The following CCDC63 variants were observed in gnomAD, a reference collection of about 807,000 sequenced individuals.
CCDC63 encodes the protein coiled-coil domain containing 63.
A neutral mutation model predicts 63.6 loss-of-function variants in CCDC63; 54 were observed. That is an observed-to-expected ratio of 0.85 (90% CI 0.68 to 1.07). The LOEUF is 1.07. Ranked by LOEUF, CCDC63 falls within the 50% of genes least tolerant of loss-of-function variation. The pLI is 0.00. For synonymous variants in CCDC63, 253 were observed against 266.1 expected (o/e 0.95, Z 0.48); for missense variants, 637 against 689.6 (o/e 0.92, Z 0.86).
chr12:110,860,204 C>T (rs2070835360), intron 4 of CCDC63, among the ~76,000 whole-genome samples: 1 of 152,226 alleles, frequency 6.6e-6, no homozygotes, highest in South Asian at 2.1e-4. Flanking sequence ...CAATGGCTCC[C>T]CTTTCTTCCA....
At position 110,889,417 on chromosome 12, in the gene CCDC63, C is replaced by T. The variant is rs1325303967; in HGVS notation, c.1075-3659C>T. On this transcript the variant is annotated intron_variant, in intron 8 of 11. Transcript: ENST00000308208. The surrounding 1 kb of genome is among the most constrained non-coding windows in gnomAD (Gnocchi z 4.1). ...CACAGCGTAAGACGGGTTTTGGAGCCGGTTGGGGCCCCGGGCAGTTGAGAA... is the reference window on the plus strand; with the variant it reads ...CACAGCGTAAGACGGGTTTTGGAGCTGGTTGGGGCCCCGGGCAGTTGAGAA... 6.6e-6 allele frequency among the ~76,000 whole-genome samples: 1 copy of T among 152,086 alleles called. No homozygotes were observed. The highest frequency in any genetic ancestry group is 1.5e-5 in the Non-Finnish European group (1 of 68,002).
At chr12:110,894,457 C>T (rs952069067) in intron 9 of CCDC63, among the ~76,000 whole-genome samples, 1 of 152,210 alleles carries the variant, frequency 6.6e-6, no homozygotes, top group African/African-American at 2.4e-5. Context: ...AGTCATTTCC[C>T]TTCCCTTCTT....
At chr12:110,871,334 G>A (rs1227137702) in intron 4 of CCDC63, among the ~76,000 whole-genome samples, 1 of 151,954 alleles carries the variant, frequency 6.6e-6, no homozygotes, top group Non-Finnish European at 1.5e-5. Flanking sequence ...GTAGAGACAG[G>A]GTTTCACCGT....
intron 4 of CCDC63, among the ~76,000 whole-genome samples, chr12:110,863,470 G>T (rs946976652): frequency 2.0e-5 from 3 of 152,098 alleles, no homozygotes; most frequent in Admixed American, 1.3e-4. Context: ...TAATTGAGAG[G>T]GTAGAGGTTT....
chr12:110,866,309 C>CTTTTTTT (rs67350855), intron 4 of CCDC63, among the ~76,000 whole-genome samples: 20,466 of 135,758 alleles, frequency 0.15, 1,595 homozygotes, highest in Middle Eastern at 0.18. Flanking sequence ...TTAAGCCACT[C>CTTTTTTT]TTTTTTTTTT....
intron 4 of CCDC63, among the ~76,000 whole-genome samples, chr12:110,871,266 CA>C (rs1466943354): frequency 1.3e-5 from 2 of 152,208 alleles, no homozygotes; most frequent in East Asian, 3.9e-4. Flanking sequence ...CTCAGCCTCC[CA>C]AGTAGCTGGG....
chr12:110,856,844 C>CTTTTT (rs34855503), intron 3 of CCDC63, among the ~76,000 whole-genome samples: 45 of 115,498 alleles, frequency 3.9e-4, no homozygotes, highest in African/African-American at 5.4e-4. Flanking sequence ...CCTTTCCTTT[C>CTTTTT]TTTTTTTTTT....
At chr12:110,867,824 G>A (rs1389683944) in intron 4 of CCDC63, among the ~76,000 whole-genome samples, 12 of 151,620 alleles carry the variant, frequency 7.9e-5, no homozygotes, top group East Asian at 2.0e-4. Context: ...CAGTAGGGGC[G>A]GCCGGGCAGA....
At chr12:110,871,396 C>G (rs2071064179) in intron 4 of CCDC63, among the ~76,000 whole-genome samples, 1 of 152,194 alleles carries the variant, frequency 6.6e-6, no homozygotes, top group South Asian at 2.1e-4. Context: ...CTGCCTCGGA[C>G]TCCCAAAGTG....
At chr12:110,873,160 TG>T (rs1392492056) in intron 4 of CCDC63, among the ~76,000 whole-genome samples, 6 of 152,142 alleles carry the variant, frequency 3.9e-5, no homozygotes, top group African/African-American at 1.4e-4. Flanking sequence ...CGCTTGAACC[TG>T]GAAGGAGGAG....
chr12:110,867,339 C>T (rs2070975785), intron 4 of CCDC63, among the ~76,000 whole-genome samples: 1 of 112,680 alleles, frequency 8.9e-6, no homozygotes, highest in African/African-American at 3.6e-5. Context: ...GGGCGGCTGG[C>T]CGGGTGGAGG....
chr12:110,858,698 C>G lies in CCDC63; in HGVS notation c.292C>G (p.Leu98Val), dbSNP rs376677990. The change falls in exon 4 of 12, where the codon CTC becomes GTC. Residue 98 changes from leucine to valine, a missense_variant. Transcript: ENST00000308208. ...TGAGAAGAACTACATGGAGCTGCGA[C>G]TCCTGCTCCAAACTAAGGAGGACTA... ...RSEKNYMELR[L>V]LLQTKEDYEA... 1 of 1,613,974 alleles carries G rather than the reference C, an allele frequency of 6.2e-7. No individual in the cohort carries two copies. Among genetic ancestry groups the G allele is most frequent in the Non-Finnish European group, 8.5e-7 (1 of 1,179,920 alleles).
chr12:110,846,578 G>C (rs184190096), upstream of CCDC63, among the ~76,000 whole-genome samples: 1 of 151,842 alleles, frequency 6.6e-6, no homozygotes, highest in Admixed American at 6.6e-5. Context: ...TTTCAGAGTA[G>C]AAAAAACTGG....
upstream of CCDC63, among the ~76,000 whole-genome samples, chr12:110,845,182 G>A (rs558879757): frequency 6.6e-6 from 1 of 152,322 alleles, no homozygotes; most frequent in African/African-American, 2.4e-5. Flanking sequence ...ATTCGTCGGA[G>A]GAAGGTCTAT....
intron 6 of CCDC63, 120 bp from the exon 7 acceptor site, chr12:110,880,995 C>G: frequency 1.1e-6 from 1 of 894,722 alleles, no homozygotes; most frequent in Non-Finnish European, 1.6e-6. Flanking sequence ...ACCGAGAAAC[C>G]TTTATGATAA....
chr12:110,852,876 G>A lies in CCDC63; in HGVS notation c.-79G>A. 34 of 1,494,194 alleles carry A rather than the reference G, an allele frequency of 2.3e-5. No individual in the cohort carries two copies. The highest frequency in any genetic ancestry group is 3.0e-5 in the Non-Finnish European group (33 of 1,082,726). The allele number at this position is 1,494,194 out of a possible 1,614,324, so 92.6% of individuals were successfully genotyped here. On this transcript the variant is annotated 5_prime_UTR_variant, in exon 2 of 12. Coordinates refer to ENST00000308208, the MANE Select transcript of CCDC63 (RefSeq NM_152591.3). ...ATGAACAGGGCATTGCAGAGAGACA[G>A]AGAGAGAGAGGAAGGCTCACTGGCT...
intron 8 of CCDC63, among the ~76,000 whole-genome samples, chr12:110,887,877 G>T (rs2071304908): frequency 6.6e-6 from 1 of 152,124 alleles, no homozygotes; most frequent in African/African-American, 2.4e-5. Flanking sequence ...AATACAGCGT[G>T]AGCCACCGCG....
intron 5 of CCDC63, among the ~76,000 whole-genome samples, chr12:110,875,019 C>T (rs973620785): frequency 1.3e-5 from 2 of 152,206 alleles, no homozygotes; most frequent in Non-Finnish European, 1.5e-5. Flanking sequence ...GGAAGAAAGC[C>T]TGTCATTCCT....
At chr12:110,876,620 A>G (rs1282933445) in intron 5 of CCDC63, among the ~76,000 whole-genome samples, 2 of 152,094 alleles carry the variant, frequency 1.3e-5, no homozygotes, top group Admixed American at 6.6e-5. Flanking sequence ...CATACTTTGA[A>G]AACCTCCAGT....
Sources: gnomAD v4.1 joint callset for allele counts (sites outside exome capture counted in the v4.1 genomes callset) on GRCh38, gnomAD v4.1.1 for gene constraint, Gnocchi (gnomAD v3.1) non-coding constraint, MANE v1.5 for transcripts, NCBI Gene and HGNC (gene_info 2026-07-23, HGNC 2026-07-21) for gene names.